Variants in TMEM132D observed in about 807,000 individuals in gnomAD.
TMEM132D encodes transmembrane protein 132D.
A neutral mutation model predicts 62.3 loss-of-function variants in TMEM132D; 21 were observed. The ratio of observed to expected loss-of-function variants is 0.34; its 90% CI spans 0.24 to 0.49. TMEM132D has a LOEUF of 0.49. TMEM132D is among the 20% of genes least tolerant of loss of function. TMEM132D has a pLI of 0.99. For missense variants in TMEM132D, 1,346 were observed against 1,402.8 expected, an observed-to-expected ratio of 0.96 and a Z score of 0.65; for synonymous variants, 621 against 575.6, an observed-to-expected ratio of 1.08 and a Z score of -1.13.
rs192478584 is a variant in TMEM132D at position 129,811,990 on chromosome 12, A to G, written c.79+91271T>C. The stretch of plus-strand genomic sequence containing the variant: ...TTCAACCTCGTGAGATGCTGAGCAG[A>G]GACCCAGCTGAGCCCACCTGGACGT... On this transcript the variant is annotated intron_variant, in intron 1 of 8. Coordinates refer to ENST00000422113, the MANE Select transcript of TMEM132D (RefSeq NM_133448.3). Among the ~76,000 whole-genome samples the G allele has an allele frequency of 1.2e-4, 18 of 151,924 alleles. No homozygotes were observed. In the East Asian group the frequency reaches 1.6e-3, roughly 13 times the overall value.
intron 2 of TMEM132D, among the ~76,000 whole-genome samples, chr12:129,683,866 T>G (rs1360420976): frequency 6.6e-6 from 1 of 152,200 alleles, no homozygotes; most frequent in Non-Finnish European, 1.5e-5. Context: ...TTCTACTGGA[T>G]GCAGTGATGA....
At chr12:129,734,376 C>G (rs1353915556) in intron 1 of TMEM132D, among the ~76,000 whole-genome samples, 2 of 152,196 alleles carry the variant, frequency 1.3e-5, no homozygotes, top group African/African-American at 2.4e-5. Flanking sequence ...TTTTAAGAAT[C>G]AGGTCAAATG....
chr12:129,874,753 G>A (rs1287832038), intron 1 of TMEM132D, among the ~76,000 whole-genome samples: 1 of 144,192 alleles, frequency 6.9e-6, no homozygotes, highest in African/African-American at 2.6e-5. Flanking sequence ...CCAGGCTGGA[G>A]TGCAATGGCG....
chr12:129,725,344 C>A (rs1441586105), intron 1 of TMEM132D, among the ~76,000 whole-genome samples: 1 of 152,078 alleles, frequency 6.6e-6, no homozygotes, highest in Non-Finnish European at 1.5e-5. Flanking sequence ...TATCTGGAAA[C>A]AAAAAATAAA....
chr12:129,694,169 G>C (rs747878763), intron 2 of TMEM132D, among the ~76,000 whole-genome samples: 3 of 152,196 alleles, frequency 2.0e-5, no homozygotes, highest in Non-Finnish European at 2.9e-5. Context: ...TCTCACAGCA[G>C]CCGTCAGCCC....
At chr12:129,801,499 AAC>A (rs1475301724) in intron 1 of TMEM132D, among the ~76,000 whole-genome samples, 2 of 151,778 alleles carry the variant, frequency 1.3e-5, no homozygotes, top group African/African-American at 4.8e-5. Context: ...AAGGAAAACT[AAC>A]AAACAGAAAG....
At chr12:129,557,829 A>G (rs546302461) in intron 2 of TMEM132D, among the ~76,000 whole-genome samples, 25 of 152,372 alleles carry the variant, frequency 1.6e-4, no homozygotes, top group African/African-American at 5.5e-4. Flanking sequence ...GCATATATCA[A>G]ATCATTACAT....
At position 129,502,324 on chromosome 12, in the gene TMEM132D, C is replaced by T. The variant is rs117547468; in HGVS notation, c.1115+28735G>A. Among the ~76,000 whole-genome samples, 933 of 152,192 alleles carry T rather than the reference C, an allele frequency of 6.1e-3. 4 individuals are homozygous for T. Among genetic ancestry groups the T allele is most frequent in the South Asian group, 0.024 (114 of 4,818 alleles). Reference sequence around the variant, plus strand: ...TTCTGTGACTTTCTTAATCCAAGTTCGCTACCATTGCTACCATCAAGGTTG... The same window carrying T: ...TTCTGTGACTTTCTTAATCCAAGTTTGCTACCATTGCTACCATCAAGGTTG... On this transcript the variant is annotated intron_variant, in intron 3 of 8. Transcript: ENST00000422113.
intron 4 of TMEM132D, among the ~76,000 whole-genome samples, chr12:129,321,725 A>AT (rs140494815): frequency 1.3e-5 from 2 of 151,816 alleles, no homozygotes; most frequent in Non-Finnish European, 2.9e-5. Context: ...CGCCCAGCTA[A>AT]TTTTTTTGTA....
chr12:129,267,945 A>G (rs570013359), intron 4 of TMEM132D, among the ~76,000 whole-genome samples: 4 of 152,348 alleles, frequency 2.6e-5, no homozygotes, highest in Admixed American at 2.6e-4. Context: ...AGGATTCCCT[A>G]TTTAATAAAT....
intron 3 of TMEM132D, among the ~76,000 whole-genome samples, chr12:129,394,645 G>A (rs1042048022): frequency 2.0e-5 from 3 of 152,228 alleles, no homozygotes; most frequent in African/African-American, 4.8e-5. Context: ...GCTGGGTGGC[G>A]TGCAAGGCTC....
chr12:129,335,795 C>T (rs920580501), intron 4 of TMEM132D, among the ~76,000 whole-genome samples: 2 of 152,182 alleles, frequency 1.3e-5, no homozygotes, highest in Admixed American at 1.3e-4. Context: ...TCTCAGCCTT[C>T]CTTACAATTA....
At chr12:129,594,724 G>T (rs1878286645) in intron 2 of TMEM132D, among the ~76,000 whole-genome samples, 1 of 152,154 alleles carries the variant, frequency 6.6e-6, no homozygotes, top group African/African-American at 2.4e-5. Flanking sequence ...TTTCACATTT[G>T]CTATTCCTGT....
chr12:129,292,423 G>C (rs1881470306), intron 4 of TMEM132D, among the ~76,000 whole-genome samples: 1 of 152,182 alleles, frequency 6.6e-6, no homozygotes, highest in South Asian at 2.1e-4. Context: ...GCCCTTCATT[G>C]CTAATCAAAT....
At chr12:129,139,334 A>G (rs886863947) in intron 5 of TMEM132D, among the ~76,000 whole-genome samples, 16 of 152,328 alleles carry the variant, frequency 1.1e-4, no homozygotes, top group African/African-American at 3.6e-4. Context: ...GGTGATTTAC[A>G]AAATATTCAA....
chr12:129,422,668 C>T (rs1317599300), intron 3 of TMEM132D, among the ~76,000 whole-genome samples: 1 of 151,924 alleles, frequency 6.6e-6, no homozygotes, highest in Non-Finnish European at 1.5e-5. Flanking sequence ...TTCTTTGAGC[C>T]ATAAATCTCA....
At chr12:129,713,111 C>A (rs1237834424) in intron 1 of TMEM132D, among the ~76,000 whole-genome samples, 1 of 152,138 alleles carries the variant, frequency 6.6e-6, no homozygotes, top group Admixed American at 6.5e-5. Context: ...GTGACCTTCA[C>A]ACAAGTAGCA....
chr12:129,122,427 A>G (rs950561017), intron 5 of TMEM132D, among the ~76,000 whole-genome samples: 1 of 152,214 alleles, frequency 6.6e-6, no homozygotes, highest in South Asian at 2.1e-4. Flanking sequence ...TACTACCATC[A>G]GTTTTGGCAC....
intron 2 of TMEM132D, among the ~76,000 whole-genome samples, chr12:129,649,800 ATG>A (rs912353408): frequency 2.1e-4 from 31 of 150,516 alleles, no homozygotes; most frequent in South Asian, 6.3e-4. Context: ...GTGTGTGCGT[ATG>A]TGTGTGTGTA....
Sources: gnomAD v4.1 joint callset for allele counts (sites outside exome capture counted in the v4.1 genomes callset) on GRCh38, gnomAD v4.1.1 for gene constraint, MANE v1.5 for transcripts, NCBI Gene and HGNC (gene_info 2026-07-23, HGNC 2026-07-21) for gene names.